PLCH1: variants seen among roughly 807,000 people sequenced by gnomAD.
PLCH1 encodes 1-phosphatidylinositol 4,5-bisphosphate phosphodiesterase eta-1.
PLCH1 carries 60 observed loss-of-function variants against 126.7 expected under a neutral mutation model. The ratio of observed to expected loss-of-function variants is 0.47; its 90% CI spans 0.38 to 0.59. PLCH1 has a LOEUF of 0.59. Among genes scored for constraint, PLCH1 ranks in the 20% least tolerant of loss-of-function variants. The probability of loss-of-function intolerance (pLI) is 0.00; values close to 1 mark genes in which losing one functional copy is unlikely to be tolerated. For missense variants in PLCH1, 1,723 were observed against 2,040.0 expected (o/e 0.84, Z 2.99); for synonymous variants, 719 against 734.9 (o/e 0.98, Z 0.35).
chr3:155,470,602 G>A (rs1292564937), intron 21 of PLCH1, among the ~76,000 whole-genome samples: 6 of 152,050 alleles, frequency 3.9e-5, no homozygotes, highest in Non-Finnish European at 7.4e-5. Context: ...CTCGAGAAGA[G>A]CAACTCCAAG....
At chr3:155,533,059 G>A (rs1040247897) in intron 10 of PLCH1, among the ~76,000 whole-genome samples, 4 of 152,218 alleles carry the variant, frequency 2.6e-5, no homozygotes, top group African/African-American at 9.6e-5. Context: ...AGATGGAGAT[G>A]AGGAACTTTT....
At chr3:155,691,158 G>T (rs1745352578) in intron 2 of PLCH1, among the ~76,000 whole-genome samples, 1 of 152,212 alleles carries the variant, frequency 6.6e-6, no homozygotes, top group South Asian at 2.1e-4. Context: ...CTGGATTTGA[G>T]AGTCTGACAA....
intron 13 of PLCH1, among the ~76,000 whole-genome samples, chr3:155,503,173 G>A (rs368195851): frequency 2.6e-5 from 4 of 152,138 alleles, no homozygotes; most frequent in African/African-American, 9.7e-5. Flanking sequence ...CCACACATAC[G>A]ACGAAATAGA....
chr3:155,644,465 T>C (rs1739775306), intron 2 of PLCH1, among the ~76,000 whole-genome samples: 2 of 152,174 alleles, frequency 1.3e-5, no homozygotes, highest in African/African-American at 4.8e-5. Flanking sequence ...TAGCCAGGCA[T>C]AGTGGCAGGT....
intron 10 of PLCH1, among the ~76,000 whole-genome samples, chr3:155,542,418 A>G (rs1171992692): frequency 6.6e-6 from 1 of 152,194 alleles, no homozygotes; most frequent in Admixed American, 6.5e-5. Flanking sequence ...ACAGCTTAAG[A>G]AGGCCTGCCT....
chr3:155,487,849 A>G (rs1449274421), intron 21 of PLCH1, among the ~76,000 whole-genome samples, 179 bp downstream of exon 21: 1 of 152,246 alleles, frequency 6.6e-6, no homozygotes, highest in Non-Finnish European at 1.5e-5. Flanking sequence ...TAAATAGTGA[A>G]AAGAGTACAG....
At position 155,586,179 on chromosome 3, in the gene PLCH1, G is replaced by A; in HGVS notation, c.486C>T (p.Thr162=). 3 of 1,614,024 alleles carry A rather than the reference G, an allele frequency of 1.9e-6. No individual in the cohort carries two copies. The highest frequency in any genetic ancestry group is 1.1e-5 in the South Asian group (1 of 91,072). The change falls in exon 5 of 23, where the codon ACC becomes ACT. Residue 162 remains threonine, a synonymous_variant. Transcript: ENST00000460012. The part of the protein sequence containing the change: ...QRTHDQWVKQ[T]FEEADKNGDG... ...CACCATTCTTATCAGCTTCCTCAAA[G>A]GTCTGCTTCACCCATGTGCAGAAAG...
rs1732547267 is a variant in PLCH1, at chr3:155,593,941, T to G, written c.470A>C (p.Gln157Pro). 6.2e-7 allele frequency: 1 copy of G among 1,613,834 alleles called. No individual in the cohort carries two copies. The highest frequency in any genetic ancestry group is 8.5e-7 in the Non-Finnish European group (1 of 1,179,932). ...SLAKRQRTHD[Q>P]WVKQTFEEAD... ...GAAAATAAAGTTCTAGAAAGGATAT[T>G]GGTCATGGGTCCTCTGCCTTTTGGC... Residue 157 changes from glutamine (Q) to proline (P), a missense_variant and splice_region_variant, in exon 4 of 23, where the codon CAA becomes CCA. By Grantham distance (76) the Gln-to-Pro change is moderately conservative. Around this residue, in one of 2 missense-constraint regions of PLCH1, gnomAD observed 776 missense variants for 1,062.9 expected, o/e 0.73. Transcript: ENST00000460012.
chr3:155,480,015 G>C lies in PLCH1; in HGVS notation c.*953C>G, dbSNP rs964000890. The stretch of plus-strand genomic sequence containing the variant: ...AAAGTGAATTCACAGTGAAAATAAT[G>C]CATGTCAGTACTAAAATAGAGTTGC... On this transcript the variant is annotated 3_prime_UTR_variant, in exon 23 of 23. Transcript: ENST00000460012. 1.3e-5 allele frequency: 2 copies of C among 152,114 alleles called. No homozygotes were observed. Among genetic ancestry groups the C allele is most frequent in the African/African-American group, 4.8e-5 (2 of 41,310 alleles). The allele number at this position is 152,114 out of a possible 1,614,324, so 9.4% of individuals were successfully genotyped here. A position where few individuals can be genotyped will look rare whatever the true frequency, so the allele number is the denominator to read the frequency against.
chr3:155,486,326 G>A, intron 21 of PLCH1: 1 of 632,962 alleles, frequency 1.6e-6, no homozygotes, highest in Non-Finnish European at 2.7e-6. Flanking sequence ...CTTAGTTTTG[G>A]GGATTTTTAG....
At chr3:155,641,959 A>G (rs2108858370) in intron 2 of PLCH1, among the ~76,000 whole-genome samples, 1 of 152,276 alleles carries the variant, frequency 6.6e-6, no homozygotes, top group South Asian at 2.1e-4. Flanking sequence ...TTGGCATACT[A>G]AAAAATGGAT....
intron 2 of PLCH1, chr3:155,676,260 T>C: frequency 8.3e-7 from 1 of 1,201,874 alleles, no homozygotes; most frequent in South Asian, 4.0e-5. Context: ...GAGATATGAT[T>C]ATAGAACTTT....
intron 2 of PLCH1, among the ~76,000 whole-genome samples, chr3:155,619,847 CAA>C: frequency 7.0e-6 from 1 of 143,364 alleles, no homozygotes; most frequent in African/African-American, 2.6e-5. Flanking sequence ...ATGTTTTTGT[CAA>C]AAAAAAAAAA....
intron 21 of PLCH1, 75 bp downstream of exon 21, chr3:155,487,953 A>G (rs1715522093): frequency 3.1e-6 from 3 of 955,082 alleles, no homozygotes; most frequent in Non-Finnish European, 5.0e-6. Flanking sequence ...TTACATTCCT[A>G]TTATGCAATT....
chr3:155,490,544 G>GA (rs1411358205), intron 19 of PLCH1, among the ~76,000 whole-genome samples: 2 of 151,698 alleles, frequency 1.3e-5, no homozygotes, highest in African/African-American at 2.4e-5. Flanking sequence ...CTTTTTACTA[G>GA]AAAAAAAATT....
chr3:155,682,251 C>G (rs145415265), intron 2 of PLCH1, among the ~76,000 whole-genome samples: 194 of 152,286 alleles, frequency 1.3e-3, no homozygotes, highest in African/African-American at 4.4e-3. Context: ...TTTATCAATT[C>G]AAACAAGCCC....
chr3:155,533,604 G>A (rs1257419285), intron 10 of PLCH1, among the ~76,000 whole-genome samples: 1 of 152,210 alleles, frequency 6.6e-6, no homozygotes, highest in African/African-American at 2.4e-5. Context: ...CAAGCTAGCT[G>A]CAGAAATTTG....
intron 21 of PLCH1, among the ~76,000 whole-genome samples, chr3:155,468,168 T>A (rs1178304341): frequency 4.6e-5 from 7 of 152,230 alleles, no homozygotes. Flanking sequence ...TTTATGCAAA[T>A]AATGTTGCTA....
intron 2 of PLCH1, among the ~76,000 whole-genome samples, chr3:155,631,319 G>A (rs1737992111): frequency 7.0e-6 from 1 of 142,682 alleles, no homozygotes; most frequent in Non-Finnish European, 1.5e-5. Context: ...TGTAATGCTA[G>A]GATCATTGCC....
Sources: gnomAD v4.1 joint callset for allele counts (sites outside exome capture counted in the v4.1 genomes callset) on GRCh38, gnomAD v4.1.1 for gene constraint, gnomAD v4.1.1 regional missense constraint, MANE v1.5 for transcripts, NCBI Gene and HGNC (gene_info 2026-07-23, HGNC 2026-07-21) for gene names.